The following ZZEF1 variants were observed in gnomAD, a reference collection of about 807,000 sequenced individuals.
The protein encoded by ZZEF1 is zinc finger ZZ-type and EF-hand domain-containing protein 1.
A neutral mutation model predicts 342.8 loss-of-function variants in ZZEF1; 157 were observed. The observed-to-expected ratio is 0.46, with a 90% CI of 0.40 to 0.52. ZZEF1 has a LOEUF of 0.52. ZZEF1 is among the 20% of genes least tolerant of loss of function. The pLI is 0.00. For missense variants in ZZEF1, 3,480 were observed against 3,725.6 expected (o/e 0.93, Z 1.72); for synonymous variants, 1,505 against 1,429.1 (o/e 1.05, Z -1.20).
At position 4,064,782 on chromosome 17, in the gene ZZEF1, TG is replaced by T; in HGVS notation, c.4296del (p.Thr1433ArgfsTer3). On this transcript the variant is annotated frameshift_variant, in exon 29 of 55. Transcript: ENST00000381638. LOFTEE classifies it high-confidence loss of function. ...CAGCTTTCTTTTGAACTTATGCCCG[TG>T]GGCAGAAATTTTAGTAATAGAAGAC... Reference protein sequence around the residue: ...EKSLLLLKFLPTGISSKESCE... With the variant: ...EKSLLLLKFLXTGISSKESCE... 1 of 1,607,242 alleles carries T rather than the reference TG, an allele frequency of 6.2e-7. No homozygotes were observed.
At chr17:4,117,995 A>C (rs2058425997) in intron 2 of ZZEF1, among the ~76,000 whole-genome samples, 1 of 152,206 alleles carries the variant, frequency 6.6e-6, no homozygotes, top group Non-Finnish European at 1.5e-5. Flanking sequence ...GGAGGCACAG[A>C]AGGTACAGCT....
chr17:4,111,140 C>A (rs1270233115), intron 5 of ZZEF1, among the ~76,000 whole-genome samples: 1 of 152,062 alleles, frequency 6.6e-6, no homozygotes, highest in African/African-American at 2.4e-5. Context: ...TTTATGTGAA[C>A]AGATACATAC....
chr17:4,028,869 G>A (rs2056475298), intron 42 of ZZEF1, among the ~76,000 whole-genome samples: 1 of 152,114 alleles, frequency 6.6e-6, no homozygotes. Context: ...AATCCTCTGA[G>A]GATACTAAAG....
Position 4,006,789 on chromosome 17 carries a change from G to T in ZZEF1, c.*101C>A. 1 of 1,287,820 alleles carries T rather than the reference G, an allele frequency of 7.8e-7. No individual in the cohort carries two copies. Among genetic ancestry groups the T allele is most frequent in the Non-Finnish European group, 1.1e-6 (1 of 908,498 alleles). The allele number at this position is 1,287,820 out of a possible 1,614,324, so 79.8% of individuals were successfully genotyped here. A position where few individuals can be genotyped will look rare whatever the true frequency, so the allele number is the denominator to read the frequency against. On this transcript the variant is annotated 3_prime_UTR_variant, in exon 55 of 55. Transcript: ENST00000381638. ...AACTGGAGTGGTCAGCTCAAGGAGA[G>T]CTGGGCACTGGCGCTACAGGAGTTT... is the stretch of plus-strand genomic sequence containing the variant.
In ZZEF1 at chr17:4,017,826, G is replaced by C. The variant is rs756474867; in HGVS notation, c.7641+10C>G. 6.2e-7 allele frequency: 1 copy of C among 1,614,112 alleles called. No individual in the cohort carries two copies. Among genetic ancestry groups the C allele is most frequent in the Non-Finnish European group, 8.5e-7 (1 of 1,180,032 alleles). Reference sequence around the variant, plus strand: ...TGCAGATACTTTGGGTCCGAGGTCGGGTGACATACCAAGCATGGCAGGATA... The same window carrying C: ...TGCAGATACTTTGGGTCCGAGGTCGCGTGACATACCAAGCATGGCAGGATA... On this transcript the variant is annotated intron_variant, in intron 47 of 54. Coordinates refer to ENST00000381638, the MANE Select transcript of ZZEF1 (RefSeq NM_015113.4). The surrounding 1 kb of genome is among the most constrained non-coding windows in gnomAD (Gnocchi z 5.1).
At chr17:4,136,972 G>A (rs991577748) in intron 1 of ZZEF1, among the ~76,000 whole-genome samples, 1 of 152,066 alleles carries the variant, frequency 6.6e-6, no homozygotes, top group African/African-American at 2.4e-5. Context: ...TTAGGATGGA[G>A]CAGGGAGCAG....
intron 46 of ZZEF1, among the ~76,000 whole-genome samples, chr17:4,019,250 C>T (rs1490907635): frequency 2.6e-5 from 4 of 152,066 alleles, no homozygotes; most frequent in African/African-American, 9.7e-5. Flanking sequence ...TAAAGTTCTA[C>T]GCAAATTAAA....
chr17:4,031,122 C>T (rs1881637083), intron 42 of ZZEF1, among the ~76,000 whole-genome samples: 2 of 152,036 alleles, frequency 1.3e-5, no homozygotes, highest in African/African-American at 2.4e-5. Flanking sequence ...TGAGACCAGC[C>T]TGGCCAATAG....
intron 16 of ZZEF1, among the ~76,000 whole-genome samples, chr17:4,085,157 T>C (rs8071043): frequency 0.35 from 53,717 of 151,894 alleles, 9,817 homozygotes; most frequent in African/African-American, 0.42. Flanking sequence ...TTTACAGATA[T>C]ATACTGAAAT....
chr17:4,136,338 C>A (rs1386738263), intron 1 of ZZEF1, among the ~76,000 whole-genome samples: 3 of 52,634 alleles, frequency 5.7e-5, no homozygotes, highest in East Asian at 7.9e-4. Context: ...AGTGAGACTC[C>A]GTCTCAAAAA....
At chr17:4,029,868 C>T (rs1316694255) in intron 42 of ZZEF1, among the ~76,000 whole-genome samples, 1 of 126,068 alleles carries the variant, frequency 7.9e-6, no homozygotes, top group African/African-American at 3.5e-5. Flanking sequence ...GAGCAAAACT[C>T]CATCTCAAAA....
intron 38 of ZZEF1, among the ~76,000 whole-genome samples, chr17:4,043,276 A>T (rs1374725036): frequency 6.6e-6 from 1 of 152,148 alleles, no homozygotes; most frequent in Non-Finnish European, 1.5e-5. Flanking sequence ...GCAGGTACTT[A>T]ATACTTGATG....
chr17:4,016,359 C>G lies in ZZEF1; in HGVS notation c.8109G>C (p.Glu2703Asp). Residue 2703 changes from glutamate (E) to aspartate (D), a missense_variant, in exon 49 of 55, where the codon GAG becomes GAC. By Grantham distance (45) the Glu-to-Asp change is conservative. Coordinates refer to ENST00000381638, the MANE Select transcript of ZZEF1 (RefSeq NM_015113.4). The surrounding 1 kb of genome is among the most constrained non-coding windows in gnomAD (Gnocchi z 4.4). ...TGTTGTTGTTATACGGGTGTTTCGA[C>G]TCCCTCACTTGCACCTCCATTCCTG... ...EEPGMEVQVRESKHPYNNNTN... is the reference protein window; with the variant it reads ...EEPGMEVQVRDSKHPYNNNTN... 6.2e-7 allele frequency: 1 copy of G among 1,614,178 alleles called. No homozygotes were observed. Among genetic ancestry groups the G allele is most frequent in the Non-Finnish European group, 8.5e-7 (1 of 1,180,014 alleles).
At position 4,081,397 on chromosome 17, in the gene ZZEF1, G is replaced by C. The variant is rs562954309; in HGVS notation, c.2808C>G (p.Leu936=). 3.7e-6 allele frequency: 6 copies of C among 1,613,546 alleles called. No homozygotes were observed. The African/African-American group carries it at 4.0e-5, about 11-fold the overall frequency. The part of the protein sequence containing the change: ...ISEVLAVMDT[L]VSVAARECEL... ...ATACCTCTCGAGCAGCAACAGAGACGAGAGTGTCCATGACCGCCAGGACTT... is the reference window on the plus strand; with the variant it reads ...ATACCTCTCGAGCAGCAACAGAGACCAGAGTGTCCATGACCGCCAGGACTT... Residue 936 remains leucine (L), a synonymous_variant, in exon 18 of 55, where the codon CTC becomes CTG. Coordinates refer to ENST00000381638, the MANE Select transcript of ZZEF1 (RefSeq NM_015113.4).
At chr17:4,122,402 G>C (rs2058498291) in intron 2 of ZZEF1, among the ~76,000 whole-genome samples, 1 of 151,188 alleles carries the variant, frequency 6.6e-6, no homozygotes, top group Non-Finnish European at 1.5e-5. Context: ...TTTCCAGACG[G>C]AGTTTCGCTC....
chr17:4,077,815 A>T, intron 19 of ZZEF1, 68 bp downstream of exon 19: 1 of 1,545,710 alleles, frequency 6.5e-7, no homozygotes, highest in Non-Finnish European at 8.8e-7. Context: ...TGAGTTACTA[A>T]AGAAGAGAAC....
At chr17:4,080,653 G>T (rs1276970313) in intron 18 of ZZEF1, among the ~76,000 whole-genome samples, 1 of 152,064 alleles carries the variant, frequency 6.6e-6, no homozygotes, top group African/African-American at 2.4e-5. Flanking sequence ...GCCTCCCAAA[G>T]TGCTGGGATT....
Position 4,008,763 on chromosome 17 carries a change from G to T in ZZEF1, c.8805+120C>A. The T allele has an allele frequency of 6.9e-7, 1 of 1,457,418 alleles. No homozygotes were observed. The highest frequency in any genetic ancestry group is 2.5e-5 in the East Asian group (1 of 39,396). The allele number at this position is 1,457,418 out of a possible 1,614,324, so 90.3% of individuals were successfully genotyped here. A position where few individuals can be genotyped will look rare whatever the true frequency, so the allele number is the denominator to read the frequency against. ...GTGACTGAACTGGAACAAGCTCTGTGTAAGCTCCGGGTGGATTCTGTCCTA... is the reference window on the plus strand; with the variant it reads ...GTGACTGAACTGGAACAAGCTCTGTTTAAGCTCCGGGTGGATTCTGTCCTA... On this transcript the variant is annotated intron_variant, in intron 54 of 54. Coordinates refer to ENST00000381638, the MANE Select transcript of ZZEF1 (RefSeq NM_015113.4). The surrounding 1 kb of genome is among the most constrained non-coding windows in gnomAD (Gnocchi z 4.2).
chr17:4,076,567 C>T (rs375912230), intron 21 of ZZEF1, 70 bp downstream of exon 21: 39 of 1,555,368 alleles, frequency 2.5e-5, no homozygotes, highest in Middle Eastern at 4.6e-4. Flanking sequence ...GTCCGTGGTC[C>T]ACTTCACTAA....
Sources: gnomAD v4.1 joint callset for allele counts (sites outside exome capture counted in the v4.1 genomes callset) on GRCh38, gnomAD v4.1.1 for gene constraint, Gnocchi (gnomAD v3.1) non-coding constraint, MANE v1.5 for transcripts, NCBI Gene and HGNC (gene_info 2026-07-23, HGNC 2026-07-21) for gene names.